The following GRID1 variants were observed in gnomAD, a reference collection of about 807,000 sequenced individuals.
GRID1 encodes glutamate ionotropic receptor delta type subunit 1.
Under a neutral mutation model 98.0 loss-of-function variants are expected in GRID1, and 28 were observed. That is an observed-to-expected ratio of 0.29 (90% CI 0.21 to 0.39). The LOEUF (loss-of-function observed/expected upper bound fraction) is 0.39. Ranked by LOEUF, GRID1 falls within the 10% of genes least tolerant of loss-of-function variation. The pLI is 1.00. For synonymous variants in GRID1, 553 were observed against 538.5 expected, an observed-to-expected ratio of 1.03 and a Z score of -0.37; for missense variants, 1,111 against 1,340.5, an observed-to-expected ratio of 0.83 and a Z score of 2.67.
chr10:85,863,058 G>A (rs747613957), intron 6 of GRID1, among the ~76,000 whole-genome samples: 2 of 152,180 alleles, frequency 1.3e-5, no homozygotes, highest in Admixed American at 6.5e-5. Flanking sequence ...GTACAACACC[G>A]GCTCTGGGCT....
intron 4 of GRID1, among the ~76,000 whole-genome samples, chr10:86,037,819 G>T (rs530760782): frequency 6.6e-6 from 1 of 152,252 alleles, no homozygotes; most frequent in South Asian, 2.1e-4. Context: ...CCTGAGTTGT[G>T]CATTTGCTGG....
intron 2 of GRID1, among the ~76,000 whole-genome samples, chr10:86,310,332 AG>A (rs79497263): frequency 0.071 from 10,812 of 152,208 alleles, 902 homozygotes; most frequent in East Asian, 0.48. Flanking sequence ...GGGGCTGCTC[AG>A]GACAGAGCCA....
chr10:85,962,190 AC>A (rs1393765057), intron 4 of GRID1, among the ~76,000 whole-genome samples: 1 of 152,090 alleles, frequency 6.6e-6, no homozygotes, highest in African/African-American at 2.4e-5. Flanking sequence ...GTGGGCTCCT[AC>A]AGGGGTCTGC....
chr10:86,057,980 G>A (rs1266821192), intron 4 of GRID1, among the ~76,000 whole-genome samples: 2 of 152,134 alleles, frequency 1.3e-5, no homozygotes, highest in African/African-American at 4.8e-5. Context: ...TTTTGCCTTG[G>A]GAAATGGAGG....
At chr10:85,929,385 T>C (rs1014231666) in intron 4 of GRID1, among the ~76,000 whole-genome samples, 1 of 152,190 alleles carries the variant, frequency 6.6e-6, no homozygotes. Flanking sequence ...ATCTGTTCCA[T>C]CCAGCCTCCC....
intron 3 of GRID1, among the ~76,000 whole-genome samples, chr10:86,172,460 G>A (rs909976040): frequency 6.6e-6 from 1 of 152,140 alleles, no homozygotes; most frequent in African/African-American, 2.4e-5. Context: ...GAGGATTACT[G>A]AGTGCAATGC....
intron 5 of GRID1, among the ~76,000 whole-genome samples, chr10:85,889,074 T>C (rs1280350127): frequency 2.0e-5 from 3 of 152,190 alleles, no homozygotes; most frequent in African/African-American, 7.2e-5. Flanking sequence ...CTACTTGGAT[T>C]TTAAAAGCAC....
At chr10:85,736,065 A>G (rs1354591609) in intron 8 of GRID1, among the ~76,000 whole-genome samples, 5 of 105,942 alleles carry the variant, frequency 4.7e-5, no homozygotes, top group Admixed American at 1.0e-4. Flanking sequence ...AAGGAAGGAG[A>G]GAGGGAAGGA....
chr10:86,353,224 T>C (rs1848486152), intron 2 of GRID1, among the ~76,000 whole-genome samples: 2 of 152,150 alleles, frequency 1.3e-5, no homozygotes, highest in Non-Finnish European at 2.9e-5. Flanking sequence ...GGGGAGCACA[T>C]GACCAGGCCA....
At chr10:85,842,234 C>G (rs1426248204) in intron 8 of GRID1, among the ~76,000 whole-genome samples, 2 of 151,998 alleles carry the variant, frequency 1.3e-5, no homozygotes, top group East Asian at 1.9e-4. Context: ...AAATCAAATA[C>G]TGCATGTTCT....
intron 5 of GRID1, among the ~76,000 whole-genome samples, chr10:85,902,010 T>C (rs180879350): frequency 1.6e-3 from 251 of 152,348 alleles, no homozygotes; most frequent in African/African-American, 5.6e-3. Flanking sequence ...TCATGGGACA[T>C]ACATAAGCTT....
chr10:86,273,361 T>C (rs11595281), intron 2 of GRID1, among the ~76,000 whole-genome samples: 46,565 of 110,972 alleles, frequency 0.42, 12,257 homozygotes, highest in Non-Finnish European at 0.6. Flanking sequence ...TGAATAGTGC[T>C]GCAATAAACA....
At chr10:86,084,207 G>A (rs10887556) in intron 4 of GRID1, among the ~76,000 whole-genome samples, 26,560 of 151,984 alleles carry the variant, frequency 0.17, 2,597 homozygotes, top group East Asian at 0.45. Flanking sequence ...TAGGTGCCCA[G>A]CCAGGCTGTG....
In GRID1 at chr10:85,675,743, A is replaced by C. The variant is rs115175432; in HGVS notation, c.1998-28346T>G. Among the ~76,000 whole-genome samples, 798 of 152,352 alleles carry C rather than the reference A, an allele frequency of 5.2e-3. 9 individuals are homozygous for C. Among genetic ancestry groups the C allele is most frequent in the African/African-American group, 0.018 (758 of 41,584 alleles). ...GCAGGACCCCTGGTATAAAATTGCCATGCAGCCTGGTGTGACATTAACCCA... is the reference window on the plus strand; with the variant it reads ...GCAGGACCCCTGGTATAAAATTGCCCTGCAGCCTGGTGTGACATTAACCCA... On this transcript the variant is annotated intron_variant, in intron 12 of 15. Coordinates refer to ENST00000327946, the MANE Select transcript of GRID1 (RefSeq NM_017551.3).
At chr10:86,175,687 A>T (rs1213477811) in intron 3 of GRID1, among the ~76,000 whole-genome samples, 1 of 151,920 alleles carries the variant, frequency 6.6e-6, no homozygotes, top group African/African-American at 2.4e-5. Context: ...TTGTGGAATG[A>T]ATTCACTTAG....
At chr10:85,893,840 C>G (rs1841240427) in intron 5 of GRID1, among the ~76,000 whole-genome samples, 1 of 152,272 alleles carries the variant, frequency 6.6e-6, no homozygotes, top group Non-Finnish European at 1.5e-5. Flanking sequence ...TAGAAACTGA[C>G]AAGTTAATTC....
At chr10:86,310,857 T>C (rs1198877702) in intron 2 of GRID1, among the ~76,000 whole-genome samples, 1 of 152,182 alleles carries the variant, frequency 6.6e-6, no homozygotes, top group African/African-American at 2.4e-5. Flanking sequence ...GGTAACACCA[T>C]GCAGCAGTCT....
At chr10:85,969,575 C>A (rs949393992) in intron 4 of GRID1, among the ~76,000 whole-genome samples, 1 of 151,776 alleles carries the variant, frequency 6.6e-6, no homozygotes, top group Non-Finnish European at 1.5e-5. Flanking sequence ...GAAATTAGAC[C>A]ACAAACCCCT....
At chr10:85,691,629 C>A (rs912123924) in intron 12 of GRID1, among the ~76,000 whole-genome samples, 1 of 152,178 alleles carries the variant, frequency 6.6e-6, no homozygotes, top group African/African-American at 2.4e-5. Flanking sequence ...AACTAACTAC[C>A]AAGTTGTGCC....
Sources: allele counts gnomAD v4.1 joint callset (sites outside exome capture counted in the v4.1 genomes callset), GRCh38; gene constraint gnomAD v4.1.1; transcripts MANE v1.5; gene names NCBI Gene and HGNC (gene_info 2026-07-23, HGNC 2026-07-21).